DOCK4: variants seen among roughly 807,000 people sequenced by gnomAD.
DOCK4 encodes dedicator of cytokinesis protein 4.
DOCK4 carries 97 observed loss-of-function variants against 268.1 expected under a neutral mutation model. That is an observed-to-expected ratio of 0.36 (90% CI 0.31 to 0.43). The LOEUF (loss-of-function observed/expected upper bound fraction) is 0.43, where lower values mean the gene tolerates loss of function less well. DOCK4 is among the 20% of genes least tolerant of loss of function. The pLI, the probability that DOCK4 is intolerant of heterozygous loss-of-function variation, is 1.00. For missense variants in DOCK4, 2,145 were observed against 2,455.7 expected (o/e 0.87, Z 2.67); for synonymous variants, 954 against 887.2 (o/e 1.08, Z -1.34).
intron 1 of DOCK4, among the ~76,000 whole-genome samples, chr7:112,071,776 C>A (rs968324812): frequency 6.6e-6 from 1 of 152,086 alleles, no homozygotes; most frequent in African/African-American, 2.4e-5. Flanking sequence ...ACTAAAAGTA[C>A]AGTAGCTTTA....
At chr7:112,007,995 T>C (rs1800992799) in intron 1 of DOCK4, among the ~76,000 whole-genome samples, 1 of 152,198 alleles carries the variant, frequency 6.6e-6, no homozygotes, top group Admixed American at 6.5e-5. Flanking sequence ...TTCCCCCAAA[T>C]AATATCACGG....
chr7:111,740,665 G>A (rs111346045), intron 47 of DOCK4, among the ~76,000 whole-genome samples: 37,088 of 143,632 alleles, frequency 0.26, 5,159 homozygotes, highest in South Asian at 0.47. Context: ...CCCGGGAGGC[G>A]GAGGTTGCAG....
chr7:111,771,293 T>C (rs73434210), intron 36 of DOCK4, among the ~76,000 whole-genome samples: 8,148 of 152,250 alleles, frequency 0.054, 693 homozygotes, highest in African/African-American at 0.18. Flanking sequence ...CTGCTGAGGC[T>C]CCAGTCCTCA....
At chr7:111,917,080 C>T (rs568491209) in intron 12 of DOCK4, among the ~76,000 whole-genome samples, 216 of 150,916 alleles carry the variant, frequency 1.4e-3, no homozygotes, top group Non-Finnish European at 2.8e-3. Flanking sequence ...CTCCGCCTCC[C>T]GGGTTCAAGC....
intron 13 of DOCK4, among the ~76,000 whole-genome samples, chr7:111,912,127 G>A (rs17158989): frequency 0.017 from 2,572 of 152,264 alleles, 76 homozygotes; most frequent in African/African-American, 0.057. Context: ...TGCAATGGGC[G>A]ATACTGGTCA....
At chr7:111,748,460 A>G (rs965519028) in intron 42 of DOCK4, among the ~76,000 whole-genome samples, 1 of 152,014 alleles carries the variant, frequency 6.6e-6, no homozygotes, top group Non-Finnish European at 1.5e-5. Flanking sequence ...CAAATGAATT[A>G]AACAACCACT....
intron 1 of DOCK4, among the ~76,000 whole-genome samples, chr7:112,091,484 G>T (rs1032324762): frequency 3.9e-5 from 6 of 152,088 alleles, no homozygotes; most frequent in African/African-American, 1.4e-4. Context: ...CTCTTGAACT[G>T]AAAACAGGCT....
At chr7:111,824,511 A>G (rs1041871981) in intron 26 of DOCK4, among the ~76,000 whole-genome samples, 2 of 152,094 alleles carry the variant, frequency 1.3e-5, no homozygotes, top group Non-Finnish European at 2.9e-5. Flanking sequence ...TCTCGCCTCA[A>G]AAGTTGTAAG....
intron 1 of DOCK4, among the ~76,000 whole-genome samples, chr7:112,116,294 T>C (rs893380253): frequency 4.6e-5 from 7 of 152,222 alleles, no homozygotes; most frequent in Admixed American, 6.5e-5. Context: ...CTTATTTCAA[T>C]TGGCATAATG....
chr7:111,929,875 C>T (rs1286833651), intron 12 of DOCK4, among the ~76,000 whole-genome samples: 1 of 152,160 alleles, frequency 6.6e-6, no homozygotes. Flanking sequence ...TTCATAAATA[C>T]ACAGATAATA....
intron 34 of DOCK4, 78 bp from the exon 35 acceptor site, chr7:111,783,002 AAAAGAAAG>A: frequency 7.8e-7 from 1 of 1,277,408 alleles, no homozygotes; most frequent in Non-Finnish European, 1.1e-6. Flanking sequence ...TTGGGGGAAA[AAAAGAAAG>A]AAAGAAAGAA....
At chr7:111,735,784 C>T (rs1019704675) in intron 50 of DOCK4, among the ~76,000 whole-genome samples, 6 of 152,146 alleles carry the variant, frequency 3.9e-5, no homozygotes, top group African/African-American at 1.4e-4. Flanking sequence ...GGGCAGGACA[C>T]GCTGGTTGTA....
chr7:111,878,821 G>C (rs1054404862), intron 16 of DOCK4, among the ~76,000 whole-genome samples: 2 of 152,138 alleles, frequency 1.3e-5, no homozygotes, highest in African/African-American at 2.4e-5. Flanking sequence ...GCTGGAACTT[G>C]AGTTTCTTGG....
At chr7:111,741,342 T>A (rs1795903117) in intron 46 of DOCK4, 128 bp from the exon 47 acceptor site, 2 of 1,430,264 alleles carry the variant, frequency 1.4e-6, no homozygotes, top group Admixed American at 2.1e-5. Context: ...TGCCTCAATA[T>A]AATCAAATGT....
intron 37 of DOCK4, among the ~76,000 whole-genome samples, chr7:111,768,862 T>C (rs11978729): frequency 0.079 from 12,043 of 152,306 alleles, 1,532 homozygotes; most frequent in African/African-American, 0.27. Flanking sequence ...ATGGTCTGCA[T>C]GTTTGGGTCT....
chr7:111,781,473 T>C (rs990725282), intron 35 of DOCK4, among the ~76,000 whole-genome samples: 1 of 152,102 alleles, frequency 6.6e-6, no homozygotes, highest in East Asian at 1.9e-4. Context: ...AGAGCAGAGG[T>C]CAATGGTCTG....
chr7:111,909,585 T>C (rs1308114421), intron 13 of DOCK4, among the ~76,000 whole-genome samples: 1 of 152,210 alleles, frequency 6.6e-6, no homozygotes, highest in Non-Finnish European at 1.5e-5. Flanking sequence ...ATAATACTTA[T>C]AAAATAAACA....
chr7:112,130,324 C>G (rs990472130), intron 1 of DOCK4, among the ~76,000 whole-genome samples: 4 of 152,180 alleles, frequency 2.6e-5, no homozygotes, highest in Non-Finnish European at 5.9e-5. Context: ...GGTGGTAACT[C>G]TCAAAGCTCA....
chr7:111,946,583 TTTA>T (rs907254525), intron 8 of DOCK4, among the ~76,000 whole-genome samples: 4 of 152,156 alleles, frequency 2.6e-5, no homozygotes, highest in Non-Finnish European at 5.9e-5. Context: ...CATTTATTTA[TTTA>T]TTATTATTAT....
Sources: allele counts gnomAD v4.1 joint callset (sites outside exome capture counted in the v4.1 genomes callset), GRCh38; gene constraint gnomAD v4.1.1; transcripts MANE v1.5; gene names NCBI Gene and HGNC (gene_info 2026-07-23, HGNC 2026-07-21).